Variants in TNRC6B observed in about 807,000 individuals in gnomAD.
TNRC6B encodes the protein trinucleotide repeat containing adaptor 6B.
TNRC6B carries 52 observed loss-of-function variants against 203.6 expected under a neutral mutation model. The observed-to-expected ratio is 0.26, with a 90% CI of 0.20 to 0.32. The LOEUF (loss-of-function observed/expected upper bound fraction) is 0.32. Ranked by LOEUF, TNRC6B falls within the 10% of genes least tolerant of loss-of-function variation. The pLI is 1.00. For synonymous variants in TNRC6B, 838 were observed against 845.7 expected, an observed-to-expected ratio of 0.99 and a Z score of 0.16; for missense variants, 1,923 against 2,286.2, an observed-to-expected ratio of 0.84 and a Z score of 3.24.
intron 4 of TNRC6B, among the ~76,000 whole-genome samples, chr22:40,162,431 AT>A (rs2068879208): frequency 6.6e-6 from 1 of 152,114 alleles, no homozygotes; most frequent in Non-Finnish European, 1.5e-5. Flanking sequence ...TGACTACCCA[AT>A]TAGGCACTAA....
At chr22:40,068,197 T>A (rs533560475) in intron 1 of TNRC6B, among the ~76,000 whole-genome samples, 150 of 152,324 alleles carry the variant, frequency 9.8e-4, no homozygotes, top group African/African-American at 3.6e-3. Context: ...AGCTTTCAGC[T>A]TTTATTTTCT....
At chr22:40,235,192 C>G (rs1485478699) in intron 1 of TNRC6B, among the ~76,000 whole-genome samples, 1 of 152,134 alleles carries the variant, frequency 6.6e-6, no homozygotes, top group Non-Finnish European at 1.5e-5. Flanking sequence ...AATGTTCATA[C>G]AAGTCACATG....
At chr22:40,204,402 A>G (rs1247589725) in intron 1 of TNRC6B, among the ~76,000 whole-genome samples, 1 of 152,210 alleles carries the variant, frequency 6.6e-6, no homozygotes, top group African/African-American at 2.4e-5. Flanking sequence ...AGCCAGGGCC[A>G]GTCATTCCAG....
chr22:40,156,230 A>G, intron 4 of TNRC6B: 1 of 1,534,490 alleles, frequency 6.5e-7, no homozygotes, highest in Non-Finnish European at 8.8e-7. Flanking sequence ...ATCCTCGGAA[A>G]CACTTTGGTT....
At chr22:40,311,747 T>G (rs1359992196) in intron 17 of TNRC6B, among the ~76,000 whole-genome samples, 2 of 152,108 alleles carry the variant, frequency 1.3e-5, no homozygotes, top group Non-Finnish European at 2.9e-5. Flanking sequence ...TTCGCCATGT[T>G]GGACAGGCTG....
In TNRC6B at chr22:40,265,185, A is replaced by G; in HGVS notation, c.955A>G (p.Thr319Ala). 6.2e-7 allele frequency: 1 copy of G among 1,614,014 alleles called. No homozygotes were observed. Among genetic ancestry groups the G allele is most frequent in the Non-Finnish European group, 8.5e-7 (1 of 1,179,888 alleles). The change falls in exon 5 of 23, where the codon ACT becomes GCT. Residue 319 changes from threonine (T) to alanine (A), a missense_variant. This residue lies in a region of TNRC6B where 614 missense variants were observed against 587.7 expected (regional missense o/e 1.04). Coordinates refer to ENST00000454349, the MANE Select transcript of TNRC6B (RefSeq NM_001162501.2). The stretch of plus-strand genomic sequence containing the variant: ...CTGGCCAGCACTGGTCCAAGAAGGA[A>G]CTTCTAGGAAAGGGGCATTGGAAAC... ...SAWPALVQEGTSRKGALETDN... is the reference protein window; with the variant it reads ...SAWPALVQEGASRKGALETDN...
intron 1 of TNRC6B, among the ~76,000 whole-genome samples, chr22:40,212,660 A>ATTATTT (rs1051911983): frequency 3.3e-5 from 5 of 151,720 alleles, no homozygotes; most frequent in African/African-American, 1.2e-4. Context: ...TTTGTTTTTA[A>ATTATTT]TTATTTTTAT....
At chr22:40,087,022 C>T (rs574622243) in intron 1 of TNRC6B, among the ~76,000 whole-genome samples, 7 of 152,254 alleles carry the variant, frequency 4.6e-5, no homozygotes, top group African/African-American at 1.7e-4. Flanking sequence ...AGCCTTCTTC[C>T]TGGCATTTTT....
intron 16 of TNRC6B, 28 bp from the exon 17 acceptor site, chr22:40,310,789 G>C: frequency 6.3e-7 from 1 of 1,594,162 alleles, no homozygotes; most frequent in Non-Finnish European, 8.5e-7. Flanking sequence ...AGTTATTCTG[G>C]ATGATTTAAT....
chr22:40,161,546 A>G (rs113782053), intron 4 of TNRC6B, among the ~76,000 whole-genome samples: 4 of 152,326 alleles, frequency 2.6e-5, no homozygotes, highest in African/African-American at 9.6e-5. Context: ...GTTTATTTCA[A>G]TAGAACTAAG....
chr22:40,209,909 C>T (rs184479650), intron 1 of TNRC6B, among the ~76,000 whole-genome samples: 1 of 151,982 alleles, frequency 6.6e-6, no homozygotes, highest in East Asian at 1.9e-4. Context: ...ATCCCAGCTA[C>T]TCTGGAGGCT....
intron 1 of TNRC6B, among the ~76,000 whole-genome samples, chr22:40,072,735 G>A (rs144652630): frequency 2.6e-5 from 4 of 152,020 alleles, no homozygotes; most frequent in South Asian, 2.1e-4. Flanking sequence ...ATGGTGGCAC[G>A]TGCCTGAAAT....
intron 1 of TNRC6B, among the ~76,000 whole-genome samples, chr22:40,072,727 G>A (rs1299825773): frequency 6.6e-6 from 1 of 152,038 alleles, no homozygotes; most frequent in Non-Finnish European, 1.5e-5. Context: ...AGCCGGGCAT[G>A]GTGGCACGTG....
At position 40,265,608 on chromosome 22, in the gene TNRC6B, G is replaced by T. The variant is rs762767770; in HGVS notation, c.1378G>T (p.Ala460Ser). 6.2e-7 allele frequency: 1 copy of T among 1,613,804 alleles called. No homozygotes were observed. Among genetic ancestry groups the T allele is most frequent in the Non-Finnish European group, 8.5e-7 (1 of 1,179,776 alleles). Residue 460 changes from alanine (A) to serine (S), a missense_variant, in exon 5 of 23, where the codon GCT becomes TCT. Transcript: ENST00000454349. ...AGAGAGAGAGGACTCCTGGAAAGGAGCTTCTGTTCAGAAATCAACTGGGTC... is the reference window on the plus strand; with the variant it reads ...AGAGAGAGAGGACTCCTGGAAAGGATCTTCTGTTCAGAAATCAACTGGGTC... ...GKEREDSWKG[A>S]SVQKSTGSKN...
chr22:40,144,087 G>A (rs2068669622), intron 3 of TNRC6B, among the ~76,000 whole-genome samples: 1 of 152,186 alleles, frequency 6.6e-6, no homozygotes, highest in South Asian at 2.1e-4. Flanking sequence ...GCAAGAATGT[G>A]GAGCAACTGG....
chr22:40,160,856 T>G (rs531558884), intron 4 of TNRC6B, among the ~76,000 whole-genome samples: 39 of 152,272 alleles, frequency 2.6e-4, no homozygotes, highest in African/African-American at 7.9e-4. Flanking sequence ...AGGCATGCAC[T>G]ATCATCCCTG....
intron 1 of TNRC6B, among the ~76,000 whole-genome samples, chr22:40,200,941 T>G (rs544301419): frequency 6.6e-6 from 1 of 152,290 alleles, no homozygotes; most frequent in East Asian, 1.9e-4. Flanking sequence ...CCAGCAACTG[T>G]GCTGAAATCT....
At chr22:40,308,407 T>A in intron 15 of TNRC6B, 105 bp from the exon 16 acceptor site, 1 of 1,312,578 alleles carries the variant, frequency 7.6e-7, no homozygotes, top group Non-Finnish European at 1.1e-6. Context: ...GGAGAAACTC[T>A]GTGAATTAGT....
chr22:40,151,554 A>G (rs4821927), intron 3 of TNRC6B, among the ~76,000 whole-genome samples: 5 of 67,136 alleles, frequency 7.4e-5, no homozygotes, highest in African/African-American at 3.2e-4. Flanking sequence ...AAAAAAAAAG[A>G]AAAAAGAAAA....
Sources: gnomAD v4.1 joint callset for allele counts (sites outside exome capture counted in the v4.1 genomes callset) on GRCh38, gnomAD v4.1.1 for gene constraint, gnomAD v4.1.1 regional missense constraint, MANE v1.5 for transcripts, NCBI Gene and HGNC (gene_info 2026-07-23, HGNC 2026-07-21) for gene names.